The following MAGEC3 variants were observed in gnomAD, a reference collection of about 807,000 sequenced individuals.
The protein encoded by MAGEC3 is MAGE family member C3.
Under a neutral mutation model 35.3 loss-of-function variants are expected in MAGEC3, and 34 were observed. The ratio of observed to expected loss-of-function variants is 0.96; its 90% CI spans 0.73 to 1.28. MAGEC3 has a LOEUF of 1.28. Ranked by LOEUF, MAGEC3 falls within the 50% of genes most tolerant of loss-of-function variation. The pLI, the probability that MAGEC3 is intolerant of heterozygous loss-of-function variation, is 0.00. For synonymous variants in MAGEC3, 202 were observed against 185.6 expected (o/e 1.09, Z -0.72); for missense variants, 561 against 483.6 (o/e 1.16, Z -1.50).
rs189993270 is a variant in MAGEC3, at chrX:141,882,533, A to G, written c.909+737A>G. ...TAAGAACTCAGCAGTTAAATAGTGG[A>G]ACGAAATAAAGGATGGTGAATAGTT... On this transcript the variant is annotated intron_variant, in intron 4 of 7. Coordinates refer to ENST00000298296, the MANE Select transcript of MAGEC3 (RefSeq NM_138702.1). 8.0e-5 allele frequency among the ~76,000 whole-genome samples: 9 copies of G among 112,154 alleles called. No individual in the cohort carries two copies. In the East Asian group the frequency reaches 2.5e-3, roughly 31 times the overall value.
intron 4 of MAGEC3, among the ~76,000 whole-genome samples, chrX:141,882,406 A>C (rs2124118012): frequency 8.9e-6 from 1 of 111,791 alleles, no homozygotes; most frequent in Non-Finnish European, 1.9e-5. Flanking sequence ...TAAGAGTAAC[A>C]GTTTGATATT....
At chrX:141,842,744 G>A (rs1206128725) in intron 1 of MAGEC3, among the ~76,000 whole-genome samples, 1 of 111,533 alleles carries the variant, frequency 9.0e-6, no homozygotes, top group African/African-American at 3.3e-5. Flanking sequence ...GTGAATCACT[G>A]GCAGACCCGG....
rs181902422 is a variant in MAGEC3, at chrX:141,892,765, C to T, written c.910-2504C>T. On this transcript the variant is annotated intron_variant, in intron 4 of 7. Coordinates refer to ENST00000298296, the MANE Select transcript of MAGEC3 (RefSeq NM_138702.1). ...TTGGTTAAACTTATGGGTGCAAACC[C>T]TAGGTAACCTTGGTTTTGATGACGG... 3.2e-3 allele frequency among the ~76,000 whole-genome samples: 358 copies of T among 111,615 alleles called. 1 individual carries two copies. The highest frequency in any genetic ancestry group is 9.7e-3 in the African/African-American group (297 of 30,713).
intron 2 of MAGEC3, among the ~76,000 whole-genome samples, chrX:141,867,889 A>G (rs1486743736): frequency 1.8e-5 from 2 of 112,051 alleles, no homozygotes; most frequent in African/African-American, 3.2e-5. Context: ...TTGGGAGGCC[A>G]AGGCGGGCGG....
At chrX:141,855,378 A>T (rs1436866481) in intron 1 of MAGEC3, among the ~76,000 whole-genome samples, 2 of 111,456 alleles carry the variant, frequency 1.8e-5, no homozygotes, top group East Asian at 5.7e-4. Context: ...ATAATGTATT[A>T]ATAACTAATA....
Position 141,840,276 on chromosome X carries a change from A to G in MAGEC3, c.123+1838A>G, listed in dbSNP as rs190493237. 2.7e-5 allele frequency among the ~76,000 whole-genome samples: 3 copies of G among 112,269 alleles called. No individual in the cohort carries two copies. The Admixed American group carries it at 2.8e-4, about 11-fold the overall frequency. ...CTCTGAGAAAGTTAACAGCAAAAGT[A>G]TAGTCTTTCTAATTAGTTTTTAGCT... On this transcript the variant is annotated intron_variant, in intron 1 of 7. Coordinates refer to ENST00000298296, the MANE Select transcript of MAGEC3 (RefSeq NM_138702.1).
intron 3 of MAGEC3, chrX:141,880,947 A>G (rs2017958856): frequency 4.7e-6 from 3 of 632,418 alleles, no homozygotes; most frequent in Non-Finnish European, 7.8e-6. Context: ...CCCTGCTCAC[A>G]CATTTACCTC....
chrX:141,852,713 A>G (rs983694463), intron 1 of MAGEC3, among the ~76,000 whole-genome samples: 2 of 110,355 alleles, frequency 1.8e-5, no homozygotes, highest in African/African-American at 6.6e-5. Context: ...TCTTTATTCT[A>G]TTTGTTTGGT....
chrX:141,878,715 A>C (rs1482391758), intron 2 of MAGEC3, among the ~76,000 whole-genome samples: 2 of 111,128 alleles, frequency 1.8e-5, no homozygotes, highest in African/African-American at 6.5e-5. Context: ...GGACACACAA[A>C]TCCAGGCCCT....
In MAGEC3 at chrX:141,879,398, C is replaced by G. The variant is rs911337032; in HGVS notation, c.482C>G (p.Pro161Arg). The change falls in exon 3 of 8, where the codon CCT becomes CGT. Residue 161 changes from proline to arginine, a missense_variant. Transcript: ENST00000298296. ...ACCCTTTCCCTTCCTGCCGTCAGCCCTGGAAAAAGGTTGTGGGGGGAGAAA... is the reference window on the plus strand; with the variant it reads ...ACCCTTTCCCTTCCTGCCGTCAGCCGTGGAAAAAGGTTGTGGGGGGAGAAA... ...GYTLSLPAVS[P>R]GKRLWGEKAG... is the part of the protein sequence containing the mutation. 2 of 1,186,704 alleles carry G rather than the reference C, an allele frequency of 1.7e-6. No homozygotes were observed. Among genetic ancestry groups the G allele is most frequent in the African/African-American group, 3.5e-5 (2 of 56,684 alleles).
At chrX:141,850,739 C>T (rs996294094) in intron 1 of MAGEC3, among the ~76,000 whole-genome samples, 5 of 111,128 alleles carry the variant, frequency 4.5e-5, no homozygotes, top group African/African-American at 1.6e-4. Flanking sequence ...GACAAATCAC[C>T]GAAGCCAGTG....
intron 2 of MAGEC3, among the ~76,000 whole-genome samples, chrX:141,873,823 T>A (rs1406514391): frequency 8.9e-6 from 1 of 111,925 alleles, no homozygotes; most frequent in African/African-American, 3.3e-5. Flanking sequence ...GTCAAAATCC[T>A]AGCATGTTGT....
At chrX:141,868,571 A>C (rs1227267910) in intron 2 of MAGEC3, among the ~76,000 whole-genome samples, 1 of 111,632 alleles carries the variant, frequency 9.0e-6, no homozygotes, top group African/African-American at 3.3e-5. Flanking sequence ...AGACCTTTTA[A>C]ATTGGCTTTG....
In MAGEC3 at chrX:141,879,196, T is replaced by C. The variant is rs758757779; in HGVS notation, c.280T>C (p.Ser94Pro). The part of the protein sequence containing the change: ...YFKLWRTLSG[S>P]PGLQLSDLHF... ...CCAGCTCTGGAGGACCCTATCAGGG[T>C]CCCCAGGTTTACAACTTTCTGACTT... Residue 94 changes from serine (S) to proline (P), a missense_variant, in exon 3 of 8, where the codon TCC (serine) becomes CCC (proline). Transcript: ENST00000298296. 1 of 1,191,999 alleles carries C rather than the reference T, an allele frequency of 8.4e-7. No individual in the cohort carries two copies. Among genetic ancestry groups the C allele is most frequent in the East Asian group, 3.0e-5 (1 of 33,379 alleles).
chrX:141,885,366 GA>G (rs2017994541), intron 4 of MAGEC3, among the ~76,000 whole-genome samples: 1 of 110,170 alleles, frequency 9.1e-6, no homozygotes, highest in Non-Finnish European at 1.9e-5. Flanking sequence ...GCAGCTTGGG[GA>G]GTTAAAAAAG....
At chrX:141,891,653 T>G (rs1382820089) in intron 4 of MAGEC3, among the ~76,000 whole-genome samples, 2 of 104,721 alleles carry the variant, frequency 1.9e-5, no homozygotes, top group Non-Finnish European at 3.9e-5. Context: ...ATAGATGTGG[T>G]AATGTGTGTG....
chrX:141,873,512 C>T (rs1234758791), intron 2 of MAGEC3, among the ~76,000 whole-genome samples: 9 of 111,286 alleles, frequency 8.1e-5, no homozygotes, highest in Non-Finnish European at 1.7e-4. Flanking sequence ...GAAGTGATTT[C>T]CTTGAAATGC....
chrX:141,870,006 G>T (rs765108927), intron 2 of MAGEC3, among the ~76,000 whole-genome samples: 1 of 111,319 alleles, frequency 9.0e-6, no homozygotes, highest in African/African-American at 3.3e-5. Context: ...GTACCCAAAA[G>T]CCAGGGGTTA....
intron 1 of MAGEC3, among the ~76,000 whole-genome samples, chrX:141,865,161 CTGT>C (rs2017840140): frequency 1.8e-5 from 2 of 111,047 alleles, no homozygotes; most frequent in South Asian, 7.6e-4. Flanking sequence ...TTTTTTCAAC[CTGT>C]TGTTTGACTT....
Sources: allele counts gnomAD v4.1 joint callset (sites outside exome capture counted in the v4.1 genomes callset), GRCh38; gene constraint gnomAD v4.1.1; transcripts MANE v1.5; gene names NCBI Gene and HGNC (gene_info 2026-07-23, HGNC 2026-07-21).